UNC13C: variants seen among roughly 807,000 people sequenced by gnomAD.
The protein encoded by UNC13C is protein unc-13 homolog C.
Under a neutral mutation model 245.4 loss-of-function variants are expected in UNC13C, and 174 were observed. That is an observed-to-expected ratio of 0.71 (90% CI 0.63 to 0.80). The LOEUF (loss-of-function observed/expected upper bound fraction) is 0.80, where lower values mean the gene tolerates loss of function less well. Ranked by LOEUF, UNC13C falls within the 30% of genes least tolerant of loss-of-function variation. UNC13C has a pLI of 0.00. For synonymous variants in UNC13C, 992 were observed against 895.1 expected (o/e 1.11, Z -1.93); for missense variants, 2,829 against 2,602.9 (o/e 1.09, Z -1.89).
At chr15:54,407,998 G>A (rs541719685) in intron 18 of UNC13C, among the ~76,000 whole-genome samples, 4 of 151,714 alleles carry the variant, frequency 2.6e-5, no homozygotes, top group Non-Finnish European at 5.9e-5. Flanking sequence ...TCAGGAGATC[G>A]AGACCATCCT....
intron 10 of UNC13C, among the ~76,000 whole-genome samples, chr15:54,282,576 C>T (rs1301685498): frequency 6.6e-6 from 1 of 152,122 alleles, no homozygotes; most frequent in East Asian, 1.9e-4. Context: ...TGCTTCTTTA[C>T]TTTTGTTGTC....
chr15:54,299,514 T>C (rs2037521189), intron 12 of UNC13C, among the ~76,000 whole-genome samples: 1 of 152,138 alleles, frequency 6.6e-6, no homozygotes, highest in African/African-American at 2.4e-5. Flanking sequence ...CGCTCTATCA[T>C]GTAGAAATGT....
intron 30 of UNC13C, among the ~76,000 whole-genome samples, chr15:54,584,832 G>A (rs1014188502): frequency 9.9e-5 from 15 of 152,264 alleles, no homozygotes; most frequent in African/African-American, 3.6e-4. Context: ...ATTAGGTGAC[G>A]GGTGAGACTT....
chr15:53,857,866 C>T, the UNC13C span, among the ~76,000 whole-genome samples: 1 of 152,086 alleles, frequency 6.6e-6, no homozygotes, highest in South Asian at 2.1e-4. Flanking sequence ...CAATGGTGAG[C>T]TGATGTTAAG....
chr15:54,100,417 C>T (rs1165434629), intron 2 of UNC13C, among the ~76,000 whole-genome samples: 7 of 152,172 alleles, frequency 4.6e-5, no homozygotes, highest in Non-Finnish European at 1.0e-4. Context: ...TTCCTCCTAC[C>T]TCACGGGCCA....
chr15:54,197,032 A>G (rs906595976), intron 4 of UNC13C, among the ~76,000 whole-genome samples: 3 of 152,160 alleles, frequency 2.0e-5, no homozygotes, highest in African/African-American at 7.2e-5. Context: ...CGTTGTGCCC[A>G]TGTACCCTAA....
chr15:53,842,908 A>G, the UNC13C span, among the ~76,000 whole-genome samples: 3 of 148,102 alleles, frequency 2.0e-5, no homozygotes, highest in Non-Finnish European at 4.5e-5. Flanking sequence ...TTTTATATAT[A>G]TATATATATA....
At chr15:54,536,077 A>T (rs1352706406) in intron 26 of UNC13C, among the ~76,000 whole-genome samples, 1 of 152,070 alleles carries the variant, frequency 6.6e-6, no homozygotes, top group Non-Finnish European at 1.5e-5. Context: ...AGATTGGTAG[A>T]CCACTAGCTA....
intron 2 of UNC13C, among the ~76,000 whole-genome samples, chr15:54,052,756 T>C (rs1228381249): frequency 6.6e-6 from 1 of 152,226 alleles, no homozygotes; most frequent in African/African-American, 2.4e-5. Flanking sequence ...TTTAATCATT[T>C]ATGTATTTAT....
chr15:53,890,218 T>G, the UNC13C span, among the ~76,000 whole-genome samples: 1 of 151,128 alleles, frequency 6.6e-6, no homozygotes, highest in South Asian at 2.2e-4. Context: ...CTTGGCTCAC[T>G]GCAAGCTCCG....
intron 30 of UNC13C, among the ~76,000 whole-genome samples, chr15:54,575,565 T>TA (rs529591444): frequency 0.053 from 7,416 of 140,372 alleles, 534 homozygotes; most frequent in African/African-American, 0.17. Context: ...GTTCTCAAAT[T>TA]AAAAAAAAAA....
chr15:54,285,274 A>C lies in UNC13C; in HGVS notation c.3819-8621A>C, dbSNP rs140578206. Among the ~76,000 whole-genome samples the C allele has an allele frequency of 4.3e-3, 656 of 152,234 alleles. 8 individuals carry two copies. Among genetic ancestry groups the C allele is most frequent in the African/African-American group, 0.015 (625 of 41,546 alleles). On this transcript the variant is annotated intron_variant, in intron 10 of 32. Coordinates refer to ENST00000260323, the MANE Select transcript of UNC13C (RefSeq NM_001080534.3). ...AGGACTCTTTTTTTTTTTAAACTCC[A>C]ATACTCCAATAACTAAATTGCTCCT...
chr15:54,402,102 G>A (rs2040199716), intron 18 of UNC13C, among the ~76,000 whole-genome samples: 1 of 151,522 alleles, frequency 6.6e-6, no homozygotes, highest in South Asian at 2.1e-4. Context: ...TGAATTCTTA[G>A]GATCTAGGTG....
At chr15:53,928,482 T>C in the UNC13C span, among the ~76,000 whole-genome samples, 6 of 152,226 alleles carry the variant, frequency 3.9e-5, no homozygotes, top group Non-Finnish European at 7.3e-5. Flanking sequence ...TTAGGGCCAT[T>C]ATGAACACGT....
the UNC13C span, among the ~76,000 whole-genome samples, chr15:53,949,537 T>C: frequency 1.3e-5 from 2 of 152,238 alleles, no homozygotes; most frequent in South Asian, 2.1e-4. Flanking sequence ...TCTATTTCTC[T>C]ATAGCACTCA....
intron 17 of UNC13C, among the ~76,000 whole-genome samples, chr15:54,374,454 G>A (rs2039561031): frequency 6.6e-6 from 1 of 152,158 alleles, no homozygotes; most frequent in African/African-American, 2.4e-5. Context: ...GCAGGGAGCT[G>A]GCATTTCTGC....
intron 18 of UNC13C, among the ~76,000 whole-genome samples, chr15:54,406,085 A>G (rs1373967841): frequency 6.6e-6 from 1 of 152,172 alleles, no homozygotes; most frequent in Non-Finnish European, 1.5e-5. Context: ...AGAGCATACA[A>G]ATTTATTTAA....
rs544385549 is a variant in UNC13C, at chr15:54,149,284, C to G, written c.3071+5600C>G. Among the ~76,000 whole-genome samples, 23 of 152,242 alleles carry G rather than the reference C, an allele frequency of 1.5e-4. No homozygotes were observed. The South Asian group carries it at 3.7e-3, about 25-fold the overall frequency. The stretch of plus-strand genomic sequence containing the variant: ...GTTTTTATAGCAGTGTGAAAATGGA[C>G]TAATATGGTCTTTGACCTTTTAGTT... On this transcript the variant is annotated intron_variant, in intron 4 of 32. Transcript: ENST00000260323.
chr15:54,018,971 C>G (rs1895780205), intron 2 of UNC13C, among the ~76,000 whole-genome samples: 1 of 152,150 alleles, frequency 6.6e-6, no homozygotes, highest in Non-Finnish European at 1.5e-5. Flanking sequence ...CAAACTGTGG[C>G]TTTTAATCGC....
Sources: gnomAD v4.1 joint callset for allele counts (sites outside exome capture counted in the v4.1 genomes callset) on GRCh38, gnomAD v4.1.1 for gene constraint, MANE v1.5 for transcripts, NCBI Gene and HGNC (gene_info 2026-07-23, HGNC 2026-07-21) for gene names.